TSPAN12: variants seen among roughly 807,000 people sequenced by gnomAD.
TSPAN12 encodes the protein tetraspanin 12, also known as tetraspanin-12.
TSPAN12 carries 19 observed loss-of-function variants against 39.2 expected under a neutral mutation model. The observed-to-expected ratio is 0.49, with a 90% CI of 0.34 to 0.71. TSPAN12 has a LOEUF of 0.71. Ranked by LOEUF, TSPAN12 falls within the 30% of genes least tolerant of loss-of-function variation. TSPAN12 has a pLI of 0.01. For missense variants in TSPAN12, 314 were observed against 359.9 expected, an observed-to-expected ratio of 0.87 and a Z score of 1.03; for synonymous variants, 119 against 124.8, an observed-to-expected ratio of 0.95 and a Z score of 0.31.
intron 4 of TSPAN12, among the ~76,000 whole-genome samples, chr7:120,832,954 C>A (rs1316004150): frequency 6.6e-6 from 1 of 152,074 alleles, no homozygotes. Flanking sequence ...AGAAACAATG[C>A]CAGTAATTAG....
intron 7 of TSPAN12, among the ~76,000 whole-genome samples, chr7:120,792,954 C>T (rs1030282793): frequency 9.2e-5 from 14 of 152,202 alleles, no homozygotes; most frequent in South Asian, 6.2e-4. Context: ...CACTAGACAG[C>T]CCTGTCCACA....
rs1403107649 is a variant in TSPAN12 at position 120,797,135 on chromosome 7, C to T, written c.613-8238G>A. Among the ~76,000 whole-genome samples the T allele has an allele frequency of 3.9e-5, 6 of 152,142 alleles. No homozygotes were observed. In the East Asian group the frequency reaches 9.7e-4, roughly 25 times the overall value. On this transcript the variant is annotated intron_variant, in intron 7 of 7. Coordinates refer to ENST00000222747, the MANE Select transcript of TSPAN12 (RefSeq NM_012338.4). The stretch of plus-strand genomic sequence containing the variant: ...TGGCGCCCCTGCACTCCAGCCTGGG[C>T]GACAGAGCCAGATTTCATCTCAAAA...
intron 2 of TSPAN12, among the ~76,000 whole-genome samples, chr7:120,843,684 G>A (rs1288293657): frequency 6.6e-6 from 1 of 152,102 alleles, no homozygotes; most frequent in Non-Finnish European, 1.5e-5. Context: ...TCCATGTCTT[G>A]GGATTTACGA....
At chr7:120,827,237 T>A (rs1794306978) in intron 4 of TSPAN12, among the ~76,000 whole-genome samples, 1 of 152,200 alleles carries the variant, frequency 6.6e-6, no homozygotes, top group African/African-American at 2.4e-5. Flanking sequence ...TTTTTGTATA[T>A]TCTCCAGAAT....
intron 2 of TSPAN12, among the ~76,000 whole-genome samples, chr7:120,845,396 A>G (rs1794651645): frequency 6.6e-6 from 1 of 152,222 alleles, no homozygotes; most frequent in Admixed American, 6.5e-5. Context: ...TATCTTTTCT[A>G]CCACATGGTC....
chr7:120,855,973 T>G (rs537594789), intron 2 of TSPAN12, among the ~76,000 whole-genome samples: 10 of 152,216 alleles, frequency 6.6e-5, no homozygotes, highest in Non-Finnish European at 1.5e-4. Context: ...TTCCTAAGTT[T>G]TATAAGTAAT....
chr7:120,850,749 A>G (rs937424172), intron 2 of TSPAN12, among the ~76,000 whole-genome samples: 9 of 151,236 alleles, frequency 6.0e-5, no homozygotes, highest in Admixed American at 1.3e-4. Flanking sequence ...GAGTGCAGTG[A>G]CACGATCTTG....
intron 2 of TSPAN12, among the ~76,000 whole-genome samples, chr7:120,853,477 T>C (rs1467512499): frequency 7.1e-6 from 1 of 140,202 alleles, no homozygotes; most frequent in Non-Finnish European, 1.5e-5. Context: ...TGCAGATATA[T>C]ATATATATAT....
chr7:120,799,821 A>G (rs1459875525), intron 7 of TSPAN12, among the ~76,000 whole-genome samples: 2 of 137,798 alleles, frequency 1.5e-5, no homozygotes, highest in East Asian at 4.1e-4. Context: ...TATTTATTTT[A>G]ATATATTAAT....
chr7:120,811,975 C>T (rs933337380), intron 5 of TSPAN12, among the ~76,000 whole-genome samples: 20 of 151,930 alleles, frequency 1.3e-4, no homozygotes, highest in East Asian at 7.7e-4. Context: ...GATGGATGCA[C>T]GAAAATCTCA....
intron 7 of TSPAN12, among the ~76,000 whole-genome samples, chr7:120,790,755 G>A (rs976970133): frequency 2.0e-5 from 3 of 152,122 alleles, no homozygotes; most frequent in Admixed American, 2.0e-4. Context: ...TACATAGTTC[G>A]GGAAGAGTCA....
chr7:120,857,554 G>T (rs956543102), intron 1 of TSPAN12, among the ~76,000 whole-genome samples: 10 of 152,014 alleles, frequency 6.6e-5, no homozygotes, highest in Admixed American at 3.9e-4. Context: ...CTGTGCAGAC[G>T]CCGGGTTAGT....
intron 7 of TSPAN12, among the ~76,000 whole-genome samples, chr7:120,789,764 G>C (rs1228420902): frequency 6.6e-6 from 1 of 152,130 alleles, no homozygotes; most frequent in Non-Finnish European, 1.5e-5. Flanking sequence ...GAAAAATTGA[G>C]CTGTAGACAT....
intron 3 of TSPAN12, 36 bp from the exon 4 acceptor site, chr7:120,838,948 A>G (rs1794529764): frequency 6.2e-7 from 1 of 1,608,130 alleles, no homozygotes; most frequent in East Asian, 2.2e-5. Context: ...GAAAGAAAAT[A>G]TAATCAAAAT....
chr7:120,845,583 C>G (rs1794655746), intron 2 of TSPAN12, among the ~76,000 whole-genome samples: 1 of 152,216 alleles, frequency 6.6e-6, no homozygotes, highest in Non-Finnish European at 1.5e-5. Context: ...TCATCACTCT[C>G]AAGTTCAAAG....
In TSPAN12 at chr7:120,856,729, C is replaced by T. The variant is rs749108056; in HGVS notation, c.35G>A (p.Cys12Tyr). The change falls in exon 2 of 8, where the codon TGC (cysteine) becomes TAC (tyrosine). Residue 12 changes from cysteine to tyrosine, a missense_variant. Transcript: ENST00000222747. ...GAGCAGATTGAGGGCGTAGAGCAGG[C>T]AGCGCAGACACTTCACGGAATCTTC... Reference protein sequence around the residue: ...AREDSVKCLRCLLYALNLLFW... With the variant: ...AREDSVKCLRYLLYALNLLFW... 6.2e-7 allele frequency: 1 copy of T among 1,614,214 alleles called. No homozygotes were observed. The highest frequency in any genetic ancestry group is 1.7e-5 in the Admixed American group (1 of 60,026).
At chr7:120,814,244 C>T (rs779164004) in intron 5 of TSPAN12, 14 of 456,584 alleles carry the variant, frequency 3.1e-5, no homozygotes, top group South Asian at 1.2e-4. Flanking sequence ...TGACTCTCTT[C>T]GCTCTGAAAC....
At chr7:120,796,047 C>A (rs1212692419) in intron 7 of TSPAN12, among the ~76,000 whole-genome samples, 1 of 140,582 alleles carries the variant, frequency 7.1e-6, no homozygotes, top group Non-Finnish European at 1.6e-5. Context: ...ACTGCATTTA[C>A]TGATCATTTT....
chr7:120,794,214 C>T (rs1015107314), intron 7 of TSPAN12, among the ~76,000 whole-genome samples: 16 of 152,260 alleles, frequency 1.1e-4, no homozygotes, highest in African/African-American at 3.9e-4. Context: ...TAAGTAAAAG[C>T]ACAAATTTCT....
Sources: gnomAD v4.1 joint callset for allele counts (sites outside exome capture counted in the v4.1 genomes callset) on GRCh38, gnomAD v4.1.1 for gene constraint, MANE v1.5 for transcripts, NCBI Gene and HGNC (gene_info 2026-07-23, HGNC 2026-07-21) for gene names.